The following RNF180 variants were observed in gnomAD, a reference collection of about 807,000 sequenced individuals.
The protein encoded by RNF180 is ring finger protein 180, also known as E3 ubiquitin-protein ligase RNF180.
In RNF180, 38 loss-of-function variants were observed where a neutral mutation model predicts 59.2. That is an observed-to-expected ratio of 0.64 (90% CI 0.50 to 0.84). The LOEUF (loss-of-function observed/expected upper bound fraction) is 0.84. Among genes scored for constraint, RNF180 ranks in the 40% least tolerant of loss-of-function variants. The pLI is 0.00. For missense variants in RNF180, 705 were observed against 700.9 expected (o/e 1.01, Z -0.07); for synonymous variants, 262 against 240.3 (o/e 1.09, Z -0.84).
At chr5:64,194,694 A>G (rs1751365410) in intron 1 of RNF180, among the ~76,000 whole-genome samples, 1 of 152,178 alleles carries the variant, frequency 6.6e-6, no homozygotes, top group African/African-American at 2.4e-5. Flanking sequence ...AATGATCACC[A>G]TTCAAACTGG....
intron 7 of RNF180, among the ~76,000 whole-genome samples, chr5:64,339,787 A>T (rs1745287075): frequency 6.6e-6 from 1 of 152,190 alleles, no homozygotes; most frequent in African/African-American, 2.4e-5. Flanking sequence ...ACTCAGGCAT[A>T]AAACTAGCTA....
At chr5:64,324,439 ACT>A (rs904136863) in intron 5 of RNF180, among the ~76,000 whole-genome samples, 5 of 152,126 alleles carry the variant, frequency 3.3e-5, no homozygotes, top group East Asian at 3.9e-4. Context: ...CAACATGCAA[ACT>A]CTGCACAGAC....
intron 5 of RNF180, among the ~76,000 whole-genome samples, chr5:64,264,821 G>A (rs1045658340): frequency 5.3e-4 from 80 of 152,152 alleles, no homozygotes; most frequent in African/African-American, 1.9e-3. Flanking sequence ...CTTCCTCAAT[G>A]GTTGAACTAA....
chr5:64,243,429 G>A (rs188386889), intron 5 of RNF180, among the ~76,000 whole-genome samples: 2 of 152,310 alleles, frequency 1.3e-5, no homozygotes, highest in African/African-American at 4.8e-5. Context: ...TGAGGCTTGA[G>A]TAGGCGGTTT....
intron 7 of RNF180, among the ~76,000 whole-genome samples, chr5:64,363,774 T>C (rs567453951): frequency 9.2e-5 from 14 of 152,076 alleles, no homozygotes; most frequent in Admixed American, 2.6e-4. Flanking sequence ...AGCAGTGGTT[T>C]GTAGTTTTTC....
intron 5 of RNF180, among the ~76,000 whole-genome samples, chr5:64,315,721 A>C (rs1387399548): frequency 1.4e-5 from 2 of 143,336 alleles, no homozygotes; most frequent in Non-Finnish European, 3.0e-5. Context: ...GGGCAACAAG[A>C]GCGTAACTGT....
chr5:64,200,570 C>G (rs796777838), intron 1 of RNF180, among the ~76,000 whole-genome samples: 2 of 152,284 alleles, frequency 1.3e-5, no homozygotes, highest in African/African-American at 4.8e-5. Flanking sequence ...ACTTTGTGCA[C>G]AAAGAAAATA....
chr5:64,179,053 A>G (rs567395173), intron 1 of RNF180, among the ~76,000 whole-genome samples: 1 of 152,062 alleles, frequency 6.6e-6, no homozygotes, highest in South Asian at 2.1e-4. Flanking sequence ...CCCACTCCCC[A>G]ATATATATCA....
intron 7 of RNF180, among the ~76,000 whole-genome samples, chr5:64,359,492 T>C (rs1465630587): frequency 6.6e-6 from 1 of 152,056 alleles, no homozygotes; most frequent in Non-Finnish European, 1.5e-5. Context: ...GTTTGTTTTT[T>C]TCTTGTAAAT....
At chr5:64,228,004 C>T (rs1477241241) in intron 5 of RNF180, among the ~76,000 whole-genome samples, 3 of 152,140 alleles carry the variant, frequency 2.0e-5, no homozygotes, top group African/African-American at 7.2e-5. Flanking sequence ...CTCACCTACT[C>T]CTCTCACGTG....
intron 1 of RNF180, among the ~76,000 whole-genome samples, chr5:64,198,248 C>T (rs1489733851): frequency 6.6e-6 from 1 of 152,122 alleles, no homozygotes; most frequent in Non-Finnish European, 1.5e-5. Context: ...TTAGATAACT[C>T]ACATTTCAAG....
chr5:64,251,129 G>A (rs1466554068), intron 5 of RNF180, among the ~76,000 whole-genome samples: 1 of 152,082 alleles, frequency 6.6e-6, no homozygotes, highest in Non-Finnish European at 1.5e-5. Flanking sequence ...TATAGAAAAA[G>A]CATTTGAGAA....
chr5:64,363,423 G>A (rs564744093), intron 7 of RNF180, among the ~76,000 whole-genome samples: 38 of 151,700 alleles, frequency 2.5e-4, no homozygotes, highest in African/African-American at 8.7e-4. Context: ...CCTTATTTTG[G>A]GGCTCTCTAT....
chr5:64,177,162 T>C (rs1425976406), intron 1 of RNF180, among the ~76,000 whole-genome samples: 3 of 152,200 alleles, frequency 2.0e-5, no homozygotes, highest in Non-Finnish European at 4.4e-5. Flanking sequence ...TTAGAACTAC[T>C]AAGGCTGTAG....
chr5:64,279,158 C>T (rs1419771708), intron 5 of RNF180, among the ~76,000 whole-genome samples: 2 of 152,098 alleles, frequency 1.3e-5, no homozygotes, highest in Non-Finnish European at 2.9e-5. Context: ...GAGTTAGAAG[C>T]TAAAAGGAGA....
intron 5 of RNF180, among the ~76,000 whole-genome samples, chr5:64,220,897 A>G (rs1741291439): frequency 6.6e-6 from 1 of 152,080 alleles, no homozygotes; most frequent in Non-Finnish European, 1.5e-5. Context: ...CAGTGAGCTA[A>G]ATGAATTAAG....
At chr5:64,173,969 C>T (rs1045690450) in intron 1 of RNF180, among the ~76,000 whole-genome samples, 1 of 152,188 alleles carries the variant, frequency 6.6e-6, no homozygotes, top group Non-Finnish European at 1.5e-5. Context: ...CTGCCTTGGC[C>T]TCCCGAATTG....
chr5:64,182,779 G>C (rs1013236103), intron 1 of RNF180, among the ~76,000 whole-genome samples: 2 of 152,188 alleles, frequency 1.3e-5, no homozygotes, highest in Non-Finnish European at 2.9e-5. Context: ...CAAAGAAAAA[G>C]TTTAAAGTAA....
Position 64,301,701 on chromosome 5 carries a change from A to ATGTGTGTGTGTGTGTG in RNF180, c.1228-23477_1228-23462dup, listed in dbSNP as rs3069547. Among the ~76,000 whole-genome samples, 745 of 148,704 alleles carry ATGTGTGTGTGTGTGTG rather than the reference A, an allele frequency of 5.0e-3. 8 individuals are homozygous for ATGTGTGTGTGTGTGTG. Among genetic ancestry groups the ATGTGTGTGTGTGTGTG allele is most frequent in the African/African-American group, 0.017 (710 of 40,738 alleles). ...TATATTTGTTGTATGCCACATCAGA[A>ATGTGTGTGTGTGTGTG]TGTGTGTGTGTGTGTGTGTGTGTAT... On this transcript the variant is annotated intron_variant, in intron 5 of 7. Transcript: ENST00000389100.
Sources: allele counts gnomAD v4.1 joint callset (sites outside exome capture counted in the v4.1 genomes callset), GRCh38; gene constraint gnomAD v4.1.1; transcripts MANE v1.5; gene names NCBI Gene and HGNC (gene_info 2026-07-23, HGNC 2026-07-21).